The following VPS13D variants were observed in gnomAD, a reference collection of about 807,000 sequenced individuals.
VPS13D encodes vacuolar protein sorting 13 homolog D, also known as intermembrane lipid transfer protein VPS13D.
Under a neutral mutation model 461.9 loss-of-function variants are expected in VPS13D, and 187 were observed. That is an observed-to-expected ratio of 0.40 (90% CI 0.36 to 0.46). The LOEUF (loss-of-function observed/expected upper bound fraction) is 0.46, where lower values mean the gene tolerates loss of function less well. Among genes scored for constraint, VPS13D ranks in the 20% least tolerant of loss-of-function variants. The pLI is 0.60. For missense variants in VPS13D, 4,711 were observed against 5,364.9 expected, an observed-to-expected ratio of 0.88 and a Z score of 3.81; for synonymous variants, 1,951 against 1,986.3, an observed-to-expected ratio of 0.98 and a Z score of 0.47.
Position 12,277,742 on chromosome 1 carries a change from T to G in VPS13D, c.4154T>G (p.Val1385Gly). 1 of 1,614,212 alleles carries G rather than the reference T, an allele frequency of 6.2e-7. No homozygotes were observed. The highest frequency in any genetic ancestry group is 8.5e-7 in the Non-Finnish European group (1 of 1,180,044). ...TTGAACATAAACATTGAATCACCAG[T>G]TGTTTCTATCCCTCGGAAGCCGGGG... ...LILNINIESP[V>G]VSIPRKPGSP... Residue 1385 changes from valine (V) to glycine (G), a missense_variant, in exon 19 of 70, where the codon GTT (valine) becomes GGT (glycine). Physicochemically the swap from Val to Gly is moderately radical, Grantham distance 109. Around this residue, in one of 3 missense-constraint regions of VPS13D, gnomAD observed 4,411 missense variants for 4,937.8 expected, o/e 0.89. Coordinates refer to ENST00000620676, the MANE Select transcript of VPS13D (RefSeq NM_015378.4).
At chr1:12,446,558 C>T (rs1274040292) in intron 65 of VPS13D, among the ~76,000 whole-genome samples, 1 of 152,136 alleles carries the variant, frequency 6.6e-6, no homozygotes, top group Non-Finnish European at 1.5e-5. Flanking sequence ...CTCTTTCTCT[C>T]CATAGTCCTC....
In VPS13D at chr1:12,502,002, G is replaced by A. The variant is rs772446877; in HGVS notation, c.12794+4371G>A. Among the ~76,000 whole-genome samples, 2 of 152,214 alleles carry A rather than the reference G, an allele frequency of 1.3e-5. No individual in the cohort carries two copies. Among genetic ancestry groups the A allele is most frequent in the Non-Finnish European group, 2.9e-5 (2 of 68,036 alleles). ...TCAGCTTTTTGTAGCAGCAGCACGT[G>A]TGGAAAGAAGGAGCAGAGGCTGGAA... is the stretch of plus-strand genomic sequence containing the variant. On this transcript the variant is annotated intron_variant, in intron 68 of 69. Coordinates refer to ENST00000620676, the MANE Select transcript of VPS13D (RefSeq NM_015378.4). The surrounding 1 kb of genome is among the most constrained non-coding windows in gnomAD (Gnocchi z 4.3).
chr1:12,459,482 C>CTTTTTTTTT (rs869264869), intron 66 of VPS13D, among the ~76,000 whole-genome samples: 2 of 131,354 alleles, frequency 1.5e-5, no homozygotes, highest in African/African-American at 2.8e-5. Flanking sequence ...CTTTTCTTTT[C>CTTTTTTTTT]TTTTTTTTTT....
Position 12,256,488 on chromosome 1 carries a change from C to G in VPS13D, c.825C>G (p.Pro275=), listed in dbSNP as rs1468771108. ...GTGATATTCAGCTGGAGACCATTCC[C>G]TTGAAACTCTCTCAGGTATGCCCTT... The part of the protein sequence containing the change: ...IDCDIQLETI[P]LKLSQLQYRQ... Residue 275 remains proline, a synonymous_variant, in exon 8 of 70, where the codon CCC becomes CCG. Coordinates refer to ENST00000620676, the MANE Select transcript of VPS13D (RefSeq NM_015378.4). 6.2e-7 allele frequency: 1 copy of G among 1,614,086 alleles called. No individual in the cohort carries two copies. The highest frequency in any genetic ancestry group is 2.2e-5 in the East Asian group (1 of 44,884).
intron 65 of VPS13D, among the ~76,000 whole-genome samples, chr1:12,419,366 AG>A (rs1401896511): frequency 2.6e-5 from 4 of 152,204 alleles, no homozygotes; most frequent in African/African-American, 9.7e-5. Context: ...TGTAATTTAC[AG>A]GCATAGATTG....
chr1:12,340,651 G>A (rs950875273), intron 40 of VPS13D, among the ~76,000 whole-genome samples: 2 of 152,228 alleles, frequency 1.3e-5, no homozygotes, highest in African/African-American at 4.8e-5. Context: ...TCTGCAGTTA[G>A]CATTTGCAGC....
chr1:12,410,644 T>A (rs988274261), intron 63 of VPS13D, among the ~76,000 whole-genome samples: 1 of 152,156 alleles, frequency 6.6e-6, no homozygotes, highest in Non-Finnish European at 1.5e-5. Flanking sequence ...ACCAGAAAAC[T>A]ATAATTTTTT....
At chr1:12,255,567 A>G (rs1472873460) in intron 7 of VPS13D, among the ~76,000 whole-genome samples, 1 of 151,784 alleles carries the variant, frequency 6.6e-6, no homozygotes, top group Non-Finnish European at 1.5e-5. Flanking sequence ...TTTTTCCTTT[A>G]AAATTTTAAA....
intron 55 of VPS13D, 105 bp from the exon 56 acceptor site, chr1:12,378,323 C>G: frequency 9.5e-7 from 1 of 1,051,200 alleles, no homozygotes; most frequent in Non-Finnish European, 1.3e-6. Context: ...AAATAAACTT[C>G]CTATATGAGA....
intron 57 of VPS13D, 62 bp from the exon 58 acceptor site, chr1:12,382,914 T>G (rs1644301835): frequency 6.7e-7 from 1 of 1,495,118 alleles, no homozygotes; most frequent in African/African-American, 1.4e-5. Context: ...AAATGATGTG[T>G]TAACTTGTCA....
At chr1:12,384,356 A>G (rs1644322269) in intron 58 of VPS13D, among the ~76,000 whole-genome samples, 1 of 152,208 alleles carries the variant, frequency 6.6e-6, no homozygotes, top group Non-Finnish European at 1.5e-5. Flanking sequence ...AATCCAGATC[A>G]CTAAGGGATG....
In VPS13D at chr1:12,272,991, T is replaced by A; in HGVS notation, c.2104-12T>A. ...TCGGCAGTTATGGTTAATGACTGTT[T>A]TATTTGTACAGGAGGAGAGTAAACG... On this transcript the variant is annotated splice_polypyrimidine_tract_variant and intron_variant, in intron 17 of 69. Coordinates refer to ENST00000620676, the MANE Select transcript of VPS13D (RefSeq NM_015378.4). 6.2e-7 allele frequency: 1 copy of A among 1,612,006 alleles called. No individual in the cohort carries two copies. The highest frequency in any genetic ancestry group is 8.5e-7 in the Non-Finnish European group (1 of 1,179,226).
At chr1:12,478,856 G>T (rs1027502954) in intron 67 of VPS13D, 1 of 455,982 alleles carries the variant, frequency 2.2e-6, no homozygotes, top group Non-Finnish European at 4.4e-6. Context: ...CTCCAAGGAG[G>T]CCGCATCGGT....
At position 12,276,170 on chromosome 1, in the gene VPS13D, G is replaced by T; in HGVS notation, c.2582G>T (p.Arg861Leu). ...KFNVHLQLER[R>L]LIYTSDPKYP... ...AACGTTCACCTACAGTTAGAGCGTC[G>T]ATTGATTTATACTTCAGATCCCAAA... The change falls in exon 19 of 70, where the codon CGA (arginine) becomes CTA (leucine). Residue 861 changes from arginine (R) to leucine (L), a missense_variant. Arg to Leu is a moderately radical substitution (Grantham distance 102). This residue lies in a region of VPS13D where 4,411 missense variants were observed against 4,937.8 expected (regional missense o/e 0.89). Transcript: ENST00000620676. The surrounding 1 kb of genome is among the most constrained non-coding windows in gnomAD (Gnocchi z 4.5). The T allele has an allele frequency of 6.2e-7, 1 of 1,614,100 alleles. No homozygotes were observed. Among genetic ancestry groups the T allele is most frequent in the Non-Finnish European group, 8.5e-7 (1 of 1,180,024 alleles).
intron 49 of VPS13D, 125 bp from the exon 50 acceptor site, chr1:12,358,334 G>A: frequency 7.8e-7 from 1 of 1,289,996 alleles, no homozygotes; most frequent in African/African-American, 1.5e-5. Context: ...ACATGAGAGT[G>A]AGGAAGAGAG....
chr1:12,385,142 G>A (rs1644334204), intron 58 of VPS13D, 118 bp from the exon 59 acceptor site: 3 of 772,804 alleles, frequency 3.9e-6, no homozygotes, highest in South Asian at 1.9e-5. Flanking sequence ...GAAACCATTC[G>A]CTTCCATAGG....
Position 12,279,223 on chromosome 1 carries a change from C to T in VPS13D, c.4451-276C>T, listed in dbSNP as rs927509582. ...AGTCTCTGGACTGGAATAATGTTCACCACATCGTGCTTTGAAGCTACCAAG... is the reference window on the plus strand; with the variant it reads ...AGTCTCTGGACTGGAATAATGTTCATCACATCGTGCTTTGAAGCTACCAAG... On this transcript the variant is annotated intron_variant, in intron 19 of 69. Transcript: ENST00000620676. This position sits in a 1 kb window ranked among gnomAD's most constrained non-coding sequence, Gnocchi z 4.3. Among the ~76,000 whole-genome samples, 1 of 152,188 alleles carries T rather than the reference C, an allele frequency of 6.6e-6. No homozygotes were observed. Among genetic ancestry groups the T allele is most frequent in the African/African-American group, 2.4e-5 (1 of 41,444 alleles).
chr1:12,412,788 T>C (rs76662595), intron 63 of VPS13D, among the ~76,000 whole-genome samples: 4,636 of 152,234 alleles, frequency 0.03, 129 homozygotes, highest in African/African-American at 0.069. Flanking sequence ...TATAAGAAAA[T>C]ATTGATAAGG....
At position 12,283,208 on chromosome 1, in the gene VPS13D, A is replaced by G; in HGVS notation, c.5106A>G (p.Gln1702=). 2 of 1,614,176 alleles carry G rather than the reference A, an allele frequency of 1.2e-6. No homozygotes were observed. The highest frequency in any genetic ancestry group is 1.7e-6 in the Non-Finnish European group (2 of 1,180,022). ...CCCCTAAGCCATCTAGTTTAGCACA[A>G]AAAGAATACCTTTCTCAGTCTTGCC... ...RGAPKPSSLA[Q]KEYLSQSCPS... The change falls in exon 21 of 70, where the codon CAA becomes CAG. Residue 1702 remains glutamine, a synonymous_variant. Coordinates refer to ENST00000620676, the MANE Select transcript of VPS13D (RefSeq NM_015378.4).
Sources: gnomAD v4.1 joint callset for allele counts (sites outside exome capture counted in the v4.1 genomes callset) on GRCh38, gnomAD v4.1.1 for gene constraint, gnomAD v4.1.1 regional missense constraint, Gnocchi (gnomAD v3.1) non-coding constraint, MANE v1.5 for transcripts, NCBI Gene and HGNC (gene_info 2026-07-23, HGNC 2026-07-21) for gene names.